The following KIRREL3 variants were observed in gnomAD, a reference collection of about 807,000 sequenced individuals.
KIRREL3 encodes kirre like nephrin family adhesion molecule 3.
A neutral mutation model predicts 89.7 loss-of-function variants in KIRREL3; 36 were observed. The observed-to-expected ratio is 0.40, with a 90% confidence interval of 0.31 to 0.53. The LOEUF (loss-of-function observed/expected upper bound fraction) is 0.53, where lower values mean the gene tolerates loss of function less well. Among genes scored for constraint, KIRREL3 ranks in the 20% least tolerant of loss-of-function variants. The pLI is 0.49. For missense variants in KIRREL3, 864 were observed against 1,056.6 expected, an observed-to-expected ratio of 0.82 and a Z score of 2.53; for synonymous variants, 445 against 441.4, an observed-to-expected ratio of 1.01 and a Z score of -0.10.
rs897878296 is a variant in KIRREL3 at position 126,607,822 on chromosome 11, C to G, written c.56-44910G>C. 6.6e-6 allele frequency among the ~76,000 whole-genome samples: 1 copy of G among 152,144 alleles called. No individual in the cohort carries two copies. The highest frequency in any genetic ancestry group is 1.5e-5 in the Non-Finnish European group (1 of 68,032). On this transcript the variant is annotated intron_variant, in intron 1 of 16. Transcript: ENST00000525144. This position sits in a 1 kb window ranked among gnomAD's most constrained non-coding sequence, Gnocchi z 6.6. ...GCAGGGTACACAGATGAATAGGGAGCGTTGCTGAGCACTTGCAATCAAGAC... is the reference window on the plus strand; with the variant it reads ...GCAGGGTACACAGATGAATAGGGAGGGTTGCTGAGCACTTGCAATCAAGAC...
chr11:126,649,869 A>G (rs1008267390), intron 1 of KIRREL3, among the ~76,000 whole-genome samples: 1 of 152,228 alleles, frequency 6.6e-6, no homozygotes, highest in African/African-American at 2.4e-5. Flanking sequence ...TCCCTTCTGC[A>G]CTGCTTTAGC....
chr11:126,859,921 T>C (rs892153784), intron 1 of KIRREL3, among the ~76,000 whole-genome samples: 2 of 152,226 alleles, frequency 1.3e-5, no homozygotes, highest in Non-Finnish European at 2.9e-5. Flanking sequence ...TTTCTATCTC[T>C]ACATATCTCA....
rs922529946 is a variant in KIRREL3 at position 126,515,792 on chromosome 11, C to A, written c.433+5523G>T. On this transcript the variant is annotated intron_variant, in intron 4 of 16. Coordinates refer to ENST00000525144, the MANE Select transcript of KIRREL3 (RefSeq NM_032531.4). The surrounding 1 kb of genome is among the most constrained non-coding windows in gnomAD (Gnocchi z 4.2). Reference sequence around the variant, plus strand: ...TTTGTTCTGTGGGGACACTTTCTCGCCCCTGAAGAACCCCTCAGACTGTCA... The same window carrying A: ...TTTGTTCTGTGGGGACACTTTCTCGACCCTGAAGAACCCCTCAGACTGTCA... 6.6e-6 allele frequency among the ~76,000 whole-genome samples: 1 copy of A among 152,142 alleles called. No individual in the cohort carries two copies. The highest frequency in any genetic ancestry group is 2.1e-4 in the South Asian group (1 of 4,828).
At position 126,715,617 on chromosome 11, in the gene KIRREL3, A is replaced by G. The variant is rs1038462006; in HGVS notation, c.56-152705T>C. On this transcript the variant is annotated intron_variant, in intron 1 of 16. Coordinates refer to ENST00000525144, the MANE Select transcript of KIRREL3 (RefSeq NM_032531.4). The surrounding 1 kb of genome is among the most constrained non-coding windows in gnomAD (Gnocchi z 4.4). ...TAGGAGAACGTGGACCATTTTGCAA[A>G]TCAAAAACAAGAGGAAAAGGGACTA... Among the ~76,000 whole-genome samples the G allele has an allele frequency of 1.9e-4, 29 of 152,224 alleles. No individual in the cohort carries two copies. The highest frequency in any genetic ancestry group is 7.0e-4 in the African/African-American group (29 of 41,472).
rs1945929042 is a variant in KIRREL3 at position 126,891,681 on chromosome 11, C to T, written c.55+108774G>A. Among the ~76,000 whole-genome samples the T allele has an allele frequency of 6.6e-6, 1 of 152,218 alleles. No individual in the cohort carries two copies. Among genetic ancestry groups the T allele is most frequent in the Admixed American group, 6.5e-5 (1 of 15,286 alleles). On this transcript the variant is annotated intron_variant, in intron 1 of 16. Coordinates refer to ENST00000525144, the MANE Select transcript of KIRREL3 (RefSeq NM_032531.4). The surrounding 1 kb of genome is among the most constrained non-coding windows in gnomAD (Gnocchi z 5.1). ...GACTTCAGAAATCACACCAAAGCAG[C>T]TTGGCTTCTAAGATGCAGCCCTGAC...
rs1947107098 is a variant in KIRREL3 at position 126,696,599 on chromosome 11, C to T, written c.56-133687G>A. Among the ~76,000 whole-genome samples the T allele has an allele frequency of 6.6e-6, 1 of 152,190 alleles. No homozygotes were observed. Among genetic ancestry groups the T allele is most frequent in the Non-Finnish European group, 1.5e-5 (1 of 68,034 alleles). ...TCCTCCACGTGATCCCCAAACGTTG[C>T]TGATCAACACACCACAGCTGGAATC... On this transcript the variant is annotated intron_variant, in intron 1 of 16. Coordinates refer to ENST00000525144, the MANE Select transcript of KIRREL3 (RefSeq NM_032531.4). This position sits in a 1 kb window ranked among gnomAD's most constrained non-coding sequence, Gnocchi z 4.4.
chr11:126,631,818 G>A (rs953089256), intron 1 of KIRREL3, among the ~76,000 whole-genome samples: 1 of 152,174 alleles, frequency 6.6e-6, no homozygotes, highest in Non-Finnish European at 1.5e-5. Context: ...AGCTCTGTGA[G>A]GCTATATAAC....
At chr11:126,702,731 C>T (rs1161186787) in intron 1 of KIRREL3, among the ~76,000 whole-genome samples, 2 of 152,236 alleles carry the variant, frequency 1.3e-5, no homozygotes, top group Admixed American at 6.5e-5. Context: ...CCTCCTGGTG[C>T]ACCCCGCTGT....
chr11:126,894,542 C>CAAAAAAAAAAA (rs10630231), intron 1 of KIRREL3, among the ~76,000 whole-genome samples: 1 of 17,480 alleles, frequency 5.7e-5, no homozygotes, highest in African/African-American at 2.5e-4. Flanking sequence ...GACCTCATCT[C>CAAAAAAAAAAA]AAAAAAAAAA....
In KIRREL3 at chr11:126,513,172, C is replaced by T. The variant is rs1958281625; in HGVS notation, c.433+8143G>A. Among the ~76,000 whole-genome samples the T allele has an allele frequency of 6.6e-6, 1 of 152,172 alleles. No individual in the cohort carries two copies. The highest frequency in any genetic ancestry group is 1.5e-5 in the Non-Finnish European group (1 of 68,020). On this transcript the variant is annotated intron_variant, in intron 4 of 16. Coordinates refer to ENST00000525144, the MANE Select transcript of KIRREL3 (RefSeq NM_032531.4). This position sits in a 1 kb window ranked among gnomAD's most constrained non-coding sequence, Gnocchi z 5.9. ...CAGGCAACAGCAGGAGGCTGAACCC[C>T]TACCATAAGCAGTAGACCATGAGTG...
chr11:126,629,291 G>T (rs778379063), intron 1 of KIRREL3, among the ~76,000 whole-genome samples: 2 of 152,164 alleles, frequency 1.3e-5, no homozygotes, highest in Admixed American at 6.5e-5. Context: ...CCAAGCAGAT[G>T]TCCTCACCCC....
intron 1 of KIRREL3, among the ~76,000 whole-genome samples, chr11:126,730,222 C>T (rs968963253): frequency 9.8e-5 from 15 of 152,334 alleles, no homozygotes; most frequent in African/African-American, 2.6e-4. Flanking sequence ...AACCCACTGC[C>T]GACTAGCCCC....
Position 126,531,635 on chromosome 11 carries a change from C to G in KIRREL3, c.134-4948G>C, listed in dbSNP as rs539026615. 2.0e-5 allele frequency among the ~76,000 whole-genome samples: 3 copies of G among 151,444 alleles called. No individual in the cohort carries two copies. The East Asian group carries it at 5.9e-4, about 30-fold the overall frequency. On this transcript the variant is annotated intron_variant, in intron 2 of 16. Coordinates refer to ENST00000525144, the MANE Select transcript of KIRREL3 (RefSeq NM_032531.4). The surrounding 1 kb of genome is among the most constrained non-coding windows in gnomAD (Gnocchi z 4.7). ...AAGGCCCAGTTCTCTCCCCAGGCAG[C>G]TCCTGTGACCCAGATGGAATCTTCT...
At chr11:126,787,387 CA>C (rs1950515888) in intron 1 of KIRREL3, among the ~76,000 whole-genome samples, 1 of 152,128 alleles carries the variant, frequency 6.6e-6, no homozygotes, top group Non-Finnish European at 1.5e-5. Flanking sequence ...AAATCATTGC[CA>C]AATGCTAAAA....
rs1163409406 is a variant in KIRREL3, at chr11:126,620,977, C to G, written c.56-58065G>C. ...ACCTGTGTGCCTGACTTGCAGACTTCTTAAGAGCAGGGCACAGAGAGACTG... is the reference window on the plus strand; with the variant it reads ...ACCTGTGTGCCTGACTTGCAGACTTGTTAAGAGCAGGGCACAGAGAGACTG... On this transcript the variant is annotated intron_variant, in intron 1 of 16. Transcript: ENST00000525144. This position sits in a 1 kb window ranked among gnomAD's most constrained non-coding sequence, Gnocchi z 4.8. Among the ~76,000 whole-genome samples, 1 of 152,146 alleles carries G rather than the reference C, an allele frequency of 6.6e-6. No homozygotes were observed. Among genetic ancestry groups the G allele is most frequent in the Non-Finnish European group, 1.5e-5 (1 of 68,024 alleles).
chr11:126,926,065 C>T (rs1947700995), intron 1 of KIRREL3, among the ~76,000 whole-genome samples: 1 of 152,246 alleles, frequency 6.6e-6, no homozygotes, highest in Non-Finnish European at 1.5e-5. Flanking sequence ...CGCCCCTCTG[C>T]CTCGAACCCC....
intron 1 of KIRREL3, among the ~76,000 whole-genome samples, chr11:126,964,483 C>A (rs564669487): frequency 6.6e-6 from 1 of 152,040 alleles, no homozygotes; most frequent in Non-Finnish European, 1.5e-5. Context: ...GTAGGTCCTC[C>A]TAGAACCCCT....
rs1957351610 is a variant in KIRREL3 at position 126,486,072 on chromosome 11, G to A, written c.434-12606C>T. Among the ~76,000 whole-genome samples the A allele has an allele frequency of 6.6e-6, 1 of 152,248 alleles. No individual in the cohort carries two copies. The highest frequency in any genetic ancestry group is 2.4e-5 in the African/African-American group (1 of 41,454). On this transcript the variant is annotated intron_variant, in intron 4 of 16. Coordinates refer to ENST00000525144, the MANE Select transcript of KIRREL3 (RefSeq NM_032531.4). This position sits in a 1 kb window ranked among gnomAD's most constrained non-coding sequence, Gnocchi z 6.2. ...ATCTCAGGGCAGAGCTACTTGTGAG[G>A]AGACAGACGTTTCATTAATAATGAG...
chr11:126,529,070 G>C (rs1958857364), intron 2 of KIRREL3, among the ~76,000 whole-genome samples: 1 of 152,202 alleles, frequency 6.6e-6, no homozygotes, highest in South Asian at 2.1e-4. Flanking sequence ...ATGAAGCAGT[G>C]CCCGAGCCCT....
Sources: allele counts gnomAD v4.1 joint callset (sites outside exome capture counted in the v4.1 genomes callset), GRCh38; gene constraint gnomAD v4.1.1; non-coding constraint Gnocchi (gnomAD v3.1); transcripts MANE v1.5; gene names NCBI Gene and HGNC (gene_info 2026-07-23, HGNC 2026-07-21).